TMOD3: variants seen among roughly 807,000 people sequenced by gnomAD.
The protein encoded by TMOD3 is tropomodulin 3, also known as tropomodulin-3.
In TMOD3, 20 loss-of-function variants were observed where a neutral mutation model predicts 39.2. That is an observed-to-expected ratio of 0.51 (90% CI 0.36 to 0.74). The LOEUF (loss-of-function observed/expected upper bound fraction) is 0.74. Ranked by LOEUF, TMOD3 falls within the 30% of genes least tolerant of loss-of-function variation. TMOD3 has a pLI of 0.00. For synonymous variants in TMOD3, 143 were observed against 145.8 expected (o/e 0.98, Z 0.14); for missense variants, 381 against 412.8 (o/e 0.92, Z 0.67).
At chr15:51,859,690 A>G in intron 1 of TMOD3, 1 of 485,806 alleles carries the variant, frequency 2.1e-6, no homozygotes, top group Non-Finnish European at 4.0e-6. Flanking sequence ...TCAGGTGCAC[A>G]GAGTCTTCCT....
intron 1 of TMOD3, among the ~76,000 whole-genome samples, chr15:51,844,113 A>G (rs936632649): frequency 6.6e-6 from 1 of 152,196 alleles, no homozygotes; most frequent in East Asian, 1.9e-4. Flanking sequence ...ATAAATGCAC[A>G]TGGTACAAAA....
chr15:51,904,052 C>T (rs1302184415), intron 9 of TMOD3, among the ~76,000 whole-genome samples: 7 of 152,160 alleles, frequency 4.6e-5, no homozygotes, highest in South Asian at 2.1e-4. Context: ...AGTGACAGAG[C>T]GAGTTTCCTT....
At chr15:51,890,089 T>C (rs1330164314) in intron 5 of TMOD3, among the ~76,000 whole-genome samples, 1 of 152,116 alleles carries the variant, frequency 6.6e-6, no homozygotes, top group African/African-American at 2.4e-5. Context: ...TTATACATAG[T>C]CTCTTATTTT....
chr15:51,858,505 TG>T (rs2056399564), intron 1 of TMOD3, among the ~76,000 whole-genome samples: 1 of 152,182 alleles, frequency 6.6e-6, no homozygotes, highest in Non-Finnish European at 1.5e-5. Flanking sequence ...AGACCTGTTT[TG>T]GGCAGTTACA....
At chr15:51,889,611 G>T (rs2056582245) in intron 5 of TMOD3, among the ~76,000 whole-genome samples, 1 of 152,168 alleles carries the variant, frequency 6.6e-6, no homozygotes, top group Non-Finnish European at 1.5e-5. Context: ...GGTGGATCAT[G>T]ACTGTAATTT....
intron 3 of TMOD3, among the ~76,000 whole-genome samples, chr15:51,886,711 T>G (rs1449121605): frequency 6.6e-6 from 1 of 150,564 alleles, no homozygotes; most frequent in South Asian, 2.1e-4. Context: ...AGGGAGACCG[T>G]GGAGAGAGGG....
At chr15:51,901,629 G>T (rs187984650) in intron 8 of TMOD3, 4 of 348,788 alleles carry the variant, frequency 1.1e-5, no homozygotes, top group East Asian at 6.4e-5. Context: ...TTCCAGTGAG[G>T]CTGTGGTGAT....
intron 3 of TMOD3, among the ~76,000 whole-genome samples, chr15:51,880,028 C>T (rs2056525248): frequency 6.6e-6 from 1 of 152,054 alleles, no homozygotes; most frequent in Non-Finnish European, 1.5e-5. Flanking sequence ...ATCTCATAGT[C>T]ACTAAGATTT....
intron 7 of TMOD3, 73 bp from the exon 8 acceptor site, chr15:51,900,082 A>G: frequency 7.1e-7 from 1 of 1,414,428 alleles, no homozygotes; most frequent in African/African-American, 1.4e-5. Context: ...TAATGTATTT[A>G]TTTATGGCAT....
At position 51,910,741 on chromosome 15, in the gene TMOD3, C is replaced by CT. The variant is rs11446467; in HGVS notation, c.*1944dup. 54,153 of 142,608 alleles carry CT rather than the reference C, an allele frequency of 0.38. 10,044 individuals are homozygous for CT. The highest frequency in any genetic ancestry group is 0.43 in the Admixed American group (6,110 of 14,302). The allele number at this position is 142,608 out of a possible 1,614,324, so 8.8% of individuals were successfully genotyped here. A position where few individuals can be genotyped will look rare whatever the true frequency, so the allele number is the denominator to read the frequency against. On this transcript the variant is annotated 3_prime_UTR_variant, in exon 10 of 10. Transcript: ENST00000308580. ...CCCTCATAAGAACTGTGGTGTTTCT[C>CT]TTTTTTTTTTTTTGTTTTGGTTTGT...
rs1418060299 is a variant in TMOD3, at chr15:51,909,651, AAAG to A, written c.*844_*846del. On this transcript the variant is annotated 3_prime_UTR_variant, in exon 10 of 10. Transcript: ENST00000308580. ...TCTTAGTTATTTAGGGTAAGAGAAAAAAGAAAACTGTTAAACAATGAAATCAAA... is the reference window on the plus strand; with the variant it reads ...TCTTAGTTATTTAGGGTAAGAGAAAAAAAACTGTTAAACAATGAAATCAAA... The A allele has an allele frequency of 6.6e-6, 1 of 152,412 alleles. No homozygotes were observed. The highest frequency in any genetic ancestry group is 1.5e-5 in the Non-Finnish European group (1 of 68,042). The allele number at this position is 152,412 out of a possible 1,614,324, so 9.4% of individuals were successfully genotyped here.
chr15:51,849,247 T>C (rs1383520966), intron 1 of TMOD3, among the ~76,000 whole-genome samples: 1 of 152,200 alleles, frequency 6.6e-6, no homozygotes, highest in East Asian at 1.9e-4. Context: ...TGCTGTTTAT[T>C]ACATGGGAAA....
rs188547742 is a variant in TMOD3 at position 51,893,239 on chromosome 15, G to A, written c.497-576G>A. 1.5e-3 allele frequency among the ~76,000 whole-genome samples: 189 copies of A among 125,972 alleles called. 10 individuals are homozygous for A. The highest frequency in any genetic ancestry group is 0.012 in the East Asian group (47 of 3,970). 82.6% of individuals were successfully genotyped at this position (125,972 alleles called of 152,430 possible). A position where few individuals can be genotyped will look rare whatever the true frequency, so the allele number is the denominator to read the frequency against. ...GAACGTGGGAGGAGGAGGTCGCAGT[G>A]AGCCAAGATCTTGCTACTGCACTCC... is the stretch of plus-strand genomic sequence containing the variant. On this transcript the variant is annotated intron_variant, in intron 5 of 9. Coordinates refer to ENST00000308580, the MANE Select transcript of TMOD3 (RefSeq NM_014547.5).
At chr15:51,888,110 A>T (rs181552094) in intron 4 of TMOD3, among the ~76,000 whole-genome samples, 4 of 152,304 alleles carry the variant, frequency 2.6e-5, no homozygotes, top group African/African-American at 9.6e-5. Flanking sequence ...AAGTAGATTG[A>T]AACAGTCAGT....
chr15:51,869,767 A>G (rs2056465703), intron 3 of TMOD3, among the ~76,000 whole-genome samples: 1 of 152,170 alleles, frequency 6.6e-6, no homozygotes, highest in African/African-American at 2.4e-5. Context: ...ATTTTCAAAG[A>G]CCCTTTTAAA....
At chr15:51,882,816 A>AT (rs1250942190) in intron 3 of TMOD3, among the ~76,000 whole-genome samples, 1 of 150,842 alleles carries the variant, frequency 6.6e-6, no homozygotes, top group East Asian at 1.9e-4. Flanking sequence ...GTCACTTTCT[A>AT]TAAAAAAAAA....
At chr15:51,877,115 T>G (rs1383017286) in intron 3 of TMOD3, among the ~76,000 whole-genome samples, 1 of 152,148 alleles carries the variant, frequency 6.6e-6, no homozygotes, top group African/African-American at 2.4e-5. Context: ...TTTGAACATA[T>G]GTAATATAAT....
intron 7 of TMOD3, among the ~76,000 whole-genome samples, chr15:51,898,064 C>G (rs1395553801): frequency 6.6e-6 from 1 of 152,184 alleles, no homozygotes; most frequent in Non-Finnish European, 1.5e-5. Context: ...TGACCTCATT[C>G]CTATTCGGAT....
intron 5 of TMOD3, among the ~76,000 whole-genome samples, chr15:51,890,740 A>G (rs1184323138): frequency 6.6e-6 from 1 of 152,210 alleles, no homozygotes; most frequent in East Asian, 1.9e-4. Context: ...TACATCATTC[A>G]GACATGTGTA....
Sources: allele counts gnomAD v4.1 joint callset (sites outside exome capture counted in the v4.1 genomes callset), GRCh38; gene constraint gnomAD v4.1.1; transcripts MANE v1.5; gene names NCBI Gene and HGNC (gene_info 2026-07-23, HGNC 2026-07-21).